AGK: variants seen among roughly 807,000 people sequenced by gnomAD.
AGK encodes the protein acylglycerol kinase.
Under a neutral mutation model 66.4 loss-of-function variants are expected in AGK, and 52 were observed. That is an observed-to-expected ratio of 0.78 (90% CI 0.63 to 0.99). The LOEUF (loss-of-function observed/expected upper bound fraction) is 0.99. AGK is among the 50% of genes least tolerant of loss of function. The probability of loss-of-function intolerance (pLI) is 0.00; values close to 1 mark genes in which losing one functional copy is unlikely to be tolerated. For synonymous variants in AGK, 182 were observed against 181.1 expected, an observed-to-expected ratio of 1.00 and a Z score of -0.04; for missense variants, 451 against 506.6, an observed-to-expected ratio of 0.89 and a Z score of 1.05.
chr7:141,653,823 TTAAA>T lies in AGK; in HGVS notation c.*902_*905del, dbSNP rs1404682656. On this transcript the variant is annotated 3_prime_UTR_variant, in exon 16 of 16. Transcript: ENST00000649286. ...GGTATCTAAAATTTTTCATGGGAAGTTAAATAGTTGACAAAGTATGTATTTGCTG... is the reference window on the plus strand; with the variant it reads ...GGTATCTAAAATTTTTCATGGGAAGTTAGTTGACAAAGTATGTATTTGCTG... The T allele has an allele frequency of 2.0e-5, 3 of 152,258 alleles. No homozygotes were observed. Among genetic ancestry groups the T allele is most frequent in the African/African-American group, 7.2e-5 (3 of 41,476 alleles). 9.4% of individuals were successfully genotyped at this position (152,258 alleles called of 1,614,324 possible).
intron 7 of AGK, among the ~76,000 whole-genome samples, 158 bp downstream of exon 7, chr7:141,614,336 A>T (rs79374100): frequency 6.6e-6 from 1 of 152,246 alleles, no homozygotes; most frequent in East Asian, 1.9e-4. Context: ...CCCATGTCAT[A>T]GAACACGTAT....
chr7:141,631,043 G>A (rs536512296), intron 9 of AGK, among the ~76,000 whole-genome samples: 1 of 152,286 alleles, frequency 6.6e-6, no homozygotes, highest in East Asian at 1.9e-4. Flanking sequence ...TCAGATACAT[G>A]AGAGGTGAGG....
chr7:141,641,211 C>A, intron 11 of AGK, 37 bp from the exon 12 acceptor site: 1 of 1,589,126 alleles, frequency 6.3e-7, no homozygotes, highest in South Asian at 1.2e-5. Flanking sequence ...TGGAATTGTA[C>A]ATGCATAACA....
At chr7:141,556,285 G>T (rs1237067429) in intron 2 of AGK, among the ~76,000 whole-genome samples, 1 of 152,082 alleles carries the variant, frequency 6.6e-6, no homozygotes, top group East Asian at 1.9e-4. Context: ...AGTGGCTCAT[G>T]CCTGTAACTC....
At chr7:141,564,032 C>T (rs1300966074) in intron 2 of AGK, among the ~76,000 whole-genome samples, 1 of 152,154 alleles carries the variant, frequency 6.6e-6, no homozygotes, top group South Asian at 2.1e-4. Context: ...GTGATCATAA[C>T]TCACTGCAGC....
At chr7:141,591,394 T>G (rs1448291992) in intron 2 of AGK, among the ~76,000 whole-genome samples, 1 of 152,048 alleles carries the variant, frequency 6.6e-6, no homozygotes, top group African/African-American at 2.4e-5. Context: ...TGCCCTGCGG[T>G]TCTTAGGTTT....
chr7:141,633,856 A>C (rs759091469), intron 9 of AGK, 45 bp from the exon 10 acceptor site: 1 of 1,521,510 alleles, frequency 6.6e-7, no homozygotes, highest in Non-Finnish European at 9.1e-7. Flanking sequence ...AAGAGTTCTG[A>C]GTGATTATAG....
intron 9 of AGK, among the ~76,000 whole-genome samples, chr7:141,624,874 G>A (rs1017242519): frequency 9.2e-5 from 14 of 152,146 alleles, no homozygotes; most frequent in African/African-American, 2.4e-4. Context: ...ACATGCTATC[G>A]AACTGCATAC....
Position 141,579,310 on chromosome 7 carries a change from A to G in AGK, c.102-13836A>G, listed in dbSNP as rs72503033. 3.3e-5 allele frequency among the ~76,000 whole-genome samples: 5 copies of G among 152,192 alleles called. No homozygotes were observed. In the East Asian group the frequency reaches 7.7e-4, roughly 23 times the overall value. The stretch of plus-strand genomic sequence containing the variant: ...ACCTTTTCTGAAGATTGAGGAAGGT[A>G]AGGGGTATGAGGGTTTCACTGAATA... On this transcript the variant is annotated intron_variant, in intron 2 of 15. Coordinates refer to ENST00000649286, the MANE Select transcript of AGK (RefSeq NM_018238.4).
intron 2 of AGK, among the ~76,000 whole-genome samples, chr7:141,591,392 G>A (rs1330192347): frequency 3.9e-5 from 6 of 151,946 alleles, no homozygotes; most frequent in Non-Finnish European, 5.9e-5. Flanking sequence ...TGTGCCCTGC[G>A]GTTCTTAGGT....
At chr7:141,602,072 C>A (rs1176715861) in intron 5 of AGK, among the ~76,000 whole-genome samples, 2 of 152,044 alleles carry the variant, frequency 1.3e-5, no homozygotes, top group African/African-American at 4.8e-5. Context: ...ATGAGAGACC[C>A]AAGTATGGTT....
chr7:141,638,858 TGTGATTTA>T (rs918651170), intron 11 of AGK, among the ~76,000 whole-genome samples: 13 of 152,116 alleles, frequency 8.5e-5, no homozygotes, highest in African/African-American at 2.9e-4. Flanking sequence ...AAGATACAAT[TGTGATTTA>T]GGTCGGAATT....
intron 2 of AGK, among the ~76,000 whole-genome samples, chr7:141,560,549 T>C (rs1795317494): frequency 6.6e-6 from 1 of 152,068 alleles, no homozygotes; most frequent in Non-Finnish European, 1.5e-5. Flanking sequence ...TTCTGAGATA[T>C]TGGTGCACCC....
chr7:141,632,930 G>T (rs17520514), intron 9 of AGK, among the ~76,000 whole-genome samples: 2 of 152,128 alleles, frequency 1.3e-5, no homozygotes, highest in African/African-American at 4.8e-5. Context: ...TGCTTTTGGC[G>T]TAGTGGAAAC....
At position 141,611,288 on chromosome 7, in the gene AGK, G is replaced by T. The variant is rs777096695; in HGVS notation, c.390+1G>T. Reference sequence around the variant, plus strand: ...AGGAGGAGATGGGACACTGCAGGAGGTATGACTGTTTTTCTCTTTGAAGCT... The same window carrying T: ...AGGAGGAGATGGGACACTGCAGGAGTTATGACTGTTTTTCTCTTTGAAGCT... On this transcript the variant is annotated splice_donor_variant, in intron 6 of 15. Coordinates refer to ENST00000649286, the MANE Select transcript of AGK (RefSeq NM_018238.4). LOFTEE classifies it high-confidence loss of function. 1.9e-6 allele frequency: 3 copies of T among 1,604,634 alleles called. No homozygotes were observed. Among genetic ancestry groups the T allele is most frequent in the African/African-American group, 1.3e-5 (1 of 74,636 alleles).
intron 7 of AGK, among the ~76,000 whole-genome samples, chr7:141,614,866 T>G (rs142946164): frequency 2.0e-5 from 3 of 152,352 alleles, no homozygotes; most frequent in African/African-American, 4.8e-5. Flanking sequence ...TGTAACATTA[T>G]TTTATGCACT....
chr7:141,645,576 A>AG (rs1797392876), intron 13 of AGK, among the ~76,000 whole-genome samples: 1 of 152,196 alleles, frequency 6.6e-6, no homozygotes, highest in Non-Finnish European at 1.5e-5. Context: ...GTTAAATAGA[A>AG]GTAGCAGTAA....
At chr7:141,576,444 G>A (rs577711002) in intron 2 of AGK, among the ~76,000 whole-genome samples, 27 of 151,646 alleles carry the variant, frequency 1.8e-4, no homozygotes, top group Non-Finnish European at 3.2e-4. Flanking sequence ...GTGGCAGGGT[G>A]AGTAGTTTGG....
chr7:141,572,914 C>A (rs751841083), intron 2 of AGK, among the ~76,000 whole-genome samples: 2 of 152,078 alleles, frequency 1.3e-5, no homozygotes, highest in Non-Finnish European at 2.9e-5. Flanking sequence ...GGTTTGTGCT[C>A]CGTTTTTCAG....
Sources: allele counts gnomAD v4.1 joint callset (sites outside exome capture counted in the v4.1 genomes callset), GRCh38; gene constraint gnomAD v4.1.1; transcripts MANE v1.5; gene names NCBI Gene and HGNC (gene_info 2026-07-23, HGNC 2026-07-21).